PNPLA7: variants seen among roughly 807,000 people sequenced by gnomAD.
PNPLA7 encodes patatin-like phospholipase domain-containing protein 7.
A neutral mutation model predicts 161.7 loss-of-function variants in PNPLA7; 153 were observed. The ratio of observed to expected loss-of-function variants is 0.95; its 90% CI spans 0.83 to 1.08. The LOEUF is 1.08. PNPLA7 is among the 50% of genes least tolerant of loss of function. The pLI, the probability that PNPLA7 is intolerant of heterozygous loss-of-function variation, is 0.00. For synonymous variants in PNPLA7, 809 were observed against 782.1 expected (o/e 1.03, Z -0.57); for missense variants, 1,739 against 1,856.6 (o/e 0.94, Z 1.16).
In PNPLA7 at chr9:137,550,381, T is replaced by A; in HGVS notation, c.-184A>T. On this transcript the variant is annotated 5_prime_UTR_variant, in exon 1 of 35. It adds an upstream start codon to the 5' untranslated region. Transcript: ENST00000406427. ...CTGTTCTCCAGGAAGAAAAGCTGTC[T>A]TTTGAGAAGTGTCTGTCATCTGCTA... The A allele has an allele frequency of 1.5e-6, 1 of 682,898 alleles. No individual in the cohort carries two copies. The highest frequency in any genetic ancestry group is 2.6e-6 in the Non-Finnish European group (1 of 388,870). The allele number at this position is 682,898 out of a possible 1,614,324, so 42.3% of individuals were successfully genotyped here.
rs371483346 is a variant in PNPLA7, at chr9:137,463,582, G to T, written c.3227-51C>A. The T allele has an allele frequency of 1.1e-3, 1,602 of 1,398,622 alleles. 1 individual carries two copies. The highest frequency in any genetic ancestry group is 1.5e-3 in the Non-Finnish European group (1,499 of 1,014,518). 86.6% of individuals were successfully genotyped at this position (1,398,622 alleles called of 1,614,324 possible). A position where few individuals can be genotyped will look rare whatever the true frequency, so the allele number is the denominator to read the frequency against. The stretch of plus-strand genomic sequence containing the variant: ...GTTACCCGGAGGAGGCTCCTCCTGG[G>T]TCCAGGGTTCAGGGCCTTGCCACTG... On this transcript the variant is annotated intron_variant, in intron 28 of 34. Coordinates refer to ENST00000406427, the MANE Select transcript of PNPLA7 (RefSeq NM_001098537.3).
chr9:137,510,115 G>A (rs1486751756), intron 12 of PNPLA7, among the ~76,000 whole-genome samples: 2 of 152,268 alleles, frequency 1.3e-5, no homozygotes, highest in East Asian at 1.9e-4. Flanking sequence ...GAAGACGCCC[G>A]TTACCAGGCG....
rs1832698316 is a variant in PNPLA7, at chr9:137,490,213, C to T, written c.2197+2800G>A. Among the ~76,000 whole-genome samples the T allele has an allele frequency of 1.3e-5, 2 of 152,230 alleles. No individual in the cohort carries two copies. Among genetic ancestry groups the T allele is most frequent in the Admixed American group, 6.5e-5 (1 of 15,284 alleles). On this transcript the variant is annotated intron_variant, in intron 20 of 34. Coordinates refer to ENST00000406427, the MANE Select transcript of PNPLA7 (RefSeq NM_001098537.3). The surrounding 1 kb of genome is among the most constrained non-coding windows in gnomAD (Gnocchi z 4.1). ...GGCCCAAACGATCCTCCCACCTCAA[C>T]CCTCTGCATAGCTGGGACGACAGGT... is the stretch of plus-strand genomic sequence containing the variant.
intron 23 of PNPLA7, chr9:137,479,675 C>T (rs1020810831): frequency 5.9e-5 from 58 of 985,220 alleles, no homozygotes; most frequent in Middle Eastern, 5.2e-4. Flanking sequence ...AGGAGGGAGA[C>T]GGGAAATGCA....
chr9:137,492,404 A>T, intron 20 of PNPLA7: 2 of 384,044 alleles, frequency 5.2e-6, no homozygotes, highest in Non-Finnish European at 6.9e-6. Flanking sequence ...TGCTGCCCAC[A>T]TTGAGATACA....
intron 14 of PNPLA7, among the ~76,000 whole-genome samples, chr9:137,503,928 GGAA>G (rs1243979368): frequency 0.018 from 440 of 24,136 alleles, 3 homozygotes; most frequent in African/African-American, 0.063. Flanking sequence ...GGAAGAAGAA[GGAA>G]GAAGAAGAAG....
intron 31 of PNPLA7, 32 bp downstream of exon 31, chr9:137,462,147 C>T (rs749688550): frequency 1.9e-6 from 3 of 1,542,616 alleles, no homozygotes; most frequent in East Asian, 2.3e-5. Context: ...TGCCTCCGCC[C>T]GCCTCCGCCG....
intron 20 of PNPLA7, among the ~76,000 whole-genome samples, chr9:137,491,161 AG>A (rs559189332): frequency 1.5e-4 from 23 of 150,466 alleles, no homozygotes; most frequent in Non-Finnish European, 2.5e-4. Context: ...CAGGAGGCTG[AG>A]GGGGGGGGAA....
chr9:137,505,704 C>G lies in PNPLA7; in HGVS notation c.1383G>C (p.Glu461Asp), dbSNP rs147554482. ...EIPSTVSQHS[E>D]SHTDETLASR... is the part of the protein sequence containing the mutation. ...TGGCCAGGGTCTCATCCGTGTGACT[C>G]TCTGAGTGCTGGGAGACCGTGGAGG... Residue 461 changes from glutamate (E) to aspartate (D), a missense_variant, in exon 14 of 35, where the codon GAG (glutamate) becomes GAC (aspartate). Around this residue, in one of 6 missense-constraint regions of PNPLA7, gnomAD observed 481 missense variants for 450.0 expected, o/e 1.07. Coordinates refer to ENST00000406427, the MANE Select transcript of PNPLA7 (RefSeq NM_001098537.3). 1.9e-6 allele frequency: 3 copies of G among 1,614,018 alleles called. No individual in the cohort carries two copies. The highest frequency in any genetic ancestry group is 2.7e-5 in the African/African-American group (2 of 74,952).
rs373476581 is a variant in PNPLA7 at position 137,464,457 on chromosome 9, C to T, written c.3040-1G>A. Reference sequence around the variant, plus strand: ...CGGCCTTCATCAAGGACGTCATGCCCTGGGGCCACATGTGGAATTTACAGA... The same window carrying T: ...CGGCCTTCATCAAGGACGTCATGCCTTGGGGCCACATGTGGAATTTACAGA... On this transcript the variant is annotated splice_acceptor_variant, in intron 26 of 34. Transcript: ENST00000406427. LOFTEE classifies it high-confidence loss of function. 1 of 1,613,064 alleles carries T rather than the reference C, an allele frequency of 6.2e-7. No individual in the cohort carries two copies. Among genetic ancestry groups the T allele is most frequent in the Admixed American group, 1.7e-5 (1 of 60,008 alleles).
intron 20 of PNPLA7, chr9:137,491,805 C>T (rs779339688): frequency 6.1e-4 from 603 of 985,316 alleles, no homozygotes; most frequent in Non-Finnish European, 7.0e-4. Flanking sequence ...TCCCAGCCAG[C>T]TCACACGCCA....
chr9:137,540,957 C>T lies in PNPLA7; in HGVS notation c.667-235G>A, dbSNP rs1836169930. On this transcript the variant is annotated intron_variant, in intron 7 of 34. Transcript: ENST00000406427. This position sits in a 1 kb window ranked among gnomAD's most constrained non-coding sequence, Gnocchi z 5.1. ...ACAGACGGAGGAGACCCCACCTCTC[C>T]ATCCCATGACTCGTCTTCAATGTGG... The T allele has an allele frequency of 2.0e-6, 1 of 490,248 alleles. No individual in the cohort carries two copies. Among genetic ancestry groups the T allele is most frequent in the Non-Finnish European group, 3.7e-6 (1 of 266,902 alleles). 30.4% of individuals were successfully genotyped at this position (490,248 alleles called of 1,614,324 possible). A position where few individuals can be genotyped will look rare whatever the true frequency, so the allele number is the denominator to read the frequency against.
chr9:137,505,945 G>T, intron 13 of PNPLA7, 38 bp downstream of exon 13: 1 of 1,574,666 alleles, frequency 6.4e-7, no homozygotes, highest in Non-Finnish European at 8.6e-7. Flanking sequence ...AGAGGGTGGG[G>T]CCCCAGGCGG....
intron 9 of PNPLA7, among the ~76,000 whole-genome samples, chr9:137,522,287 G>T (rs907546312): frequency 6.7e-5 from 10 of 149,792 alleles, no homozygotes; most frequent in Non-Finnish European, 1.2e-4. Context: ...TGTGAGCCAG[G>T]ATGGTCTCGA....
chr9:137,505,872 G>A, intron 13 of PNPLA7, 111 bp downstream of exon 13: 1 of 1,528,414 alleles, frequency 6.5e-7, no homozygotes, highest in South Asian at 1.2e-5. Flanking sequence ...TGAGCCTCCT[G>A]AAGCTGCAGG....
intron 33 of PNPLA7, 89 bp downstream of exon 33, chr9:137,461,447 G>C: frequency 2.2e-6 from 3 of 1,353,436 alleles, no homozygotes; most frequent in Non-Finnish European, 3.0e-6. Context: ...AGGGGAGGCC[G>C]TGGGCCTCTG....
Position 137,524,091 on chromosome 9 carries a change from C to T in PNPLA7, c.748-1234G>A, listed in dbSNP as rs1000293826. On this transcript the variant is annotated intron_variant, in intron 8 of 34. Coordinates refer to ENST00000406427, the MANE Select transcript of PNPLA7 (RefSeq NM_001098537.3). This position sits in a 1 kb window ranked among gnomAD's most constrained non-coding sequence, Gnocchi z 4.4. ...CAATCCCAACCTCCAATGCCCCTGG[C>T]AGCCTTTTCGCAACCTCCTTTCTTC... is the stretch of plus-strand genomic sequence containing the variant. Among the ~76,000 whole-genome samples, 2 of 152,270 alleles carry T rather than the reference C, an allele frequency of 1.3e-5. No individual in the cohort carries two copies. The highest frequency in any genetic ancestry group is 2.9e-5 in the Non-Finnish European group (2 of 68,052).
At chr9:137,494,026 G>T (rs1832907437) in intron 19 of PNPLA7, among the ~76,000 whole-genome samples, 1 of 152,210 alleles carries the variant, frequency 6.6e-6, no homozygotes, top group Non-Finnish European at 1.5e-5. Context: ...GGAGGGCAGT[G>T]GTGGCCTCTC....
At chr9:137,514,982 C>T (rs1834451822) in intron 12 of PNPLA7, among the ~76,000 whole-genome samples, 1 of 152,124 alleles carries the variant, frequency 6.6e-6, no homozygotes, top group Admixed American at 6.5e-5. Flanking sequence ...GCAAAGGTCC[C>T]TGCGGGGAGG....
Sources: allele counts gnomAD v4.1 joint callset (sites outside exome capture counted in the v4.1 genomes callset), GRCh38; gene constraint gnomAD v4.1.1; regional missense constraint gnomAD v4.1.1; non-coding constraint Gnocchi (gnomAD v3.1); transcripts MANE v1.5; gene names NCBI Gene and HGNC (gene_info 2026-07-23, HGNC 2026-07-21).